AGR3: variants seen among roughly 807,000 people sequenced by gnomAD.
AGR3 encodes the protein anterior gradient protein 3.
In AGR3, 37 loss-of-function variants were observed where a neutral mutation model predicts 24.5. The ratio of observed to expected loss-of-function variants is 1.51; its 90% CI spans 1.16 to 1.99. AGR3 has a LOEUF of 1.99. Among genes scored for constraint, AGR3 ranks in the 30% most tolerant of loss-of-function variants. The probability of loss-of-function intolerance (pLI) is 0.00; values close to 1 mark genes in which losing one functional copy is unlikely to be tolerated. For synonymous variants in AGR3, 75 were observed against 61.6 expected (o/e 1.22, Z -1.02); for missense variants, 228 against 191.1 (o/e 1.19, Z -1.14).
At chr7:16,862,521 G>A (rs941966232) in intron 4 of AGR3, 89 bp downstream of exon 4, 29 of 737,612 alleles carry the variant, frequency 3.9e-5, no homozygotes, top group South Asian at 2.9e-4. Context: ...TTTGCTGAGC[G>A]CCTTCTTAGC....
intron 3 of AGR3, chr7:16,865,486 C>G (rs1486529579): frequency 1.4e-6 from 1 of 731,050 alleles, no homozygotes; most frequent in African/African-American, 1.8e-5. Context: ...TCCCGAATTT[C>G]TTTGGGGAAC....
chr7:16,877,647 A>G (rs1583847670), intron 2 of AGR3, among the ~76,000 whole-genome samples: 1 of 151,976 alleles, frequency 6.6e-6, no homozygotes, highest in East Asian at 1.9e-4. Flanking sequence ...GCGGATCACA[A>G]GGTCAGGAGA....
chr7:16,876,921 C>T (rs963018622), intron 2 of AGR3, among the ~76,000 whole-genome samples: 5 of 152,258 alleles, frequency 3.3e-5, no homozygotes, highest in African/African-American at 9.6e-5. Context: ...AGGGCAATAA[C>T]TAGTTTAGTC....
intron 1 of AGR3, among the ~76,000 whole-genome samples, chr7:16,880,088 C>CTTCCTTCCTTCCTTCCTTCT (rs1782077998): frequency 4.0e-5 from 4 of 99,402 alleles, no homozygotes; most frequent in Non-Finnish European, 7.6e-5. Flanking sequence ...CTTCTTTCCC[C>CTTCCTTCCTTCCTTCCTTCT]TTCCTTCCTT....
rs140054819 is a variant in AGR3 at position 16,879,526 on chromosome 7, A to G, written c.-27-881T>C. The stretch of plus-strand genomic sequence containing the variant: ...TATAAAACTGATTTGAAAATGGTTG[A>G]CTCATGCAGTTTTGAAACTTTACCT... On this transcript the variant is annotated intron_variant, in intron 1 of 7. Coordinates refer to ENST00000310398, the MANE Select transcript of AGR3 (RefSeq NM_176813.5). Among the ~76,000 whole-genome samples the G allele has an allele frequency of 3.5e-3, 535 of 152,312 alleles. 3 individuals are homozygous for G. The highest frequency in any genetic ancestry group is 0.013 in the African/African-American group (522 of 41,580).
In AGR3 at chr7:16,864,461, C is replaced by T. The variant is rs990194771; in HGVS notation, c.174-1799G>A. On this transcript the variant is annotated intron_variant, in intron 3 of 7. Coordinates refer to ENST00000310398, the MANE Select transcript of AGR3 (RefSeq NM_176813.5). The stretch of plus-strand genomic sequence containing the variant: ...GCAGAATGTCCTCCGTTAAGCTGGG[C>T]TTCATCTCCACTGTCAGGGTCGATC... The T allele has an allele frequency of 6.8e-5, 87 of 1,283,192 alleles. 1 individual carries two copies. The highest frequency in any genetic ancestry group is 8.1e-5 in the Non-Finnish European group (71 of 879,452). 79.5% of individuals were successfully genotyped at this position (1,283,192 alleles called of 1,614,324 possible). A position where few individuals can be genotyped will look rare whatever the true frequency, so the allele number is the denominator to read the frequency against.
intron 3 of AGR3, chr7:16,865,800 G>A: frequency 1.3e-6 from 1 of 746,458 alleles, no homozygotes; most frequent in Non-Finnish European, 2.5e-6. Flanking sequence ...TCATCTTTTT[G>A]GAAATCTGGT....
chr7:16,857,357 G>T (rs1204362751), downstream of AGR3, among the ~76,000 whole-genome samples: 1 of 151,784 alleles, frequency 6.6e-6, no homozygotes, highest in Non-Finnish European at 1.5e-5. Flanking sequence ...TCATTACAAA[G>T]AACAATTTAT....
chr7:16,878,563 T>G lies in AGR3; in HGVS notation c.56A>C (p.Asn19Thr), dbSNP rs1186545893. 10 of 1,614,060 alleles carry G rather than the reference T, an allele frequency of 6.2e-6. No individual in the cohort carries two copies. The highest frequency in any genetic ancestry group is 8.5e-6 in the Non-Finnish European group (10 of 1,179,992). Residue 19 changes from asparagine (N) to threonine (T), a missense_variant, in exon 2 of 8, where the codon AAC (asparagine) becomes ACC (threonine). Asn to Thr is a moderately conservative substitution (Grantham distance 65, BLOSUM62 0). Coordinates refer to ENST00000310398, the MANE Select transcript of AGR3 (RefSeq NM_176813.5). Reference protein sequence around the residue: ...LCLLLVTVSSNLAIAIKKEKR... With the variant: ...LCLLLVTVSSTLAIAIKKEKR... ...TTCCTTTTTTATTGCAATGGCAAGG[T>G]TGGAAGAAACTGTGACGAGTAAGAG...
At chr7:16,856,705 A>T (rs1457406714), downstream of AGR3, among the ~76,000 whole-genome samples, 2 of 152,132 alleles carry the variant, frequency 1.3e-5, no homozygotes. Flanking sequence ...CAGGTAGTTG[A>T]TGTTGGTAAC....
chr7:16,874,388 G>A (rs1781946106), intron 2 of AGR3, among the ~76,000 whole-genome samples: 1 of 152,086 alleles, frequency 6.6e-6, no homozygotes, highest in Non-Finnish European at 1.5e-5. Context: ...TAAAACGCAT[G>A]TGTTTTGGAA....
intron 3 of AGR3, 40 bp downstream of exon 3, chr7:16,873,740 T>C (rs1455133295): frequency 1.4e-6 from 2 of 1,465,528 alleles, no homozygotes; most frequent in South Asian, 1.1e-5. Flanking sequence ...ATGAGTCTAC[T>C]ACAAATAAAA....
chr7:16,875,829 C>T (rs1781976883), intron 2 of AGR3, among the ~76,000 whole-genome samples: 1 of 152,282 alleles, frequency 6.6e-6, no homozygotes, highest in African/African-American at 2.4e-5. Flanking sequence ...CTCTTGCTCT[C>T]TGTAATAATC....
intron 3 of AGR3, among the ~76,000 whole-genome samples, chr7:16,870,267 C>G (rs527430161): frequency 1.7e-4 from 26 of 152,050 alleles, no homozygotes; most frequent in African/African-American, 5.8e-4. Flanking sequence ...TTATTCTCAT[C>G]TAATTCAACA....
At chr7:16,860,427 G>A (rs893572615) in intron 7 of AGR3, 73 bp downstream of exon 7, 3 of 1,107,416 alleles carry the variant, frequency 2.7e-6, no homozygotes, top group Non-Finnish European at 4.2e-6. Flanking sequence ...ACTGATGTAG[G>A]GCTTCACTAG....
At chr7:16,869,673 GTTT>G (rs71007797) in intron 3 of AGR3, among the ~76,000 whole-genome samples, 4 of 125,896 alleles carry the variant, frequency 3.2e-5, no homozygotes, top group Non-Finnish European at 4.9e-5. Context: ...TTGTGAGTTT[GTTT>G]TTTTTTTTTT....
intron 3 of AGR3, chr7:16,865,885 A>G (rs1781749740): frequency 1.4e-6 from 1 of 725,140 alleles, no homozygotes; most frequent in Non-Finnish European, 2.6e-6. Context: ...TTGTCTTTCC[A>G]CATCCAGGAG....
chr7:16,873,883 T>A (rs181167282), intron 2 of AGR3, 40 bp from the exon 3 acceptor site: 3 of 1,489,348 alleles, frequency 2.0e-6, no homozygotes, highest in South Asian at 2.3e-5. Context: ...AACCCAGAAC[T>A]AGAGAAGAGC....
intron 1 of AGR3, among the ~76,000 whole-genome samples, chr7:16,879,413 G>A (rs1242138874): frequency 1.3e-5 from 2 of 152,200 alleles, no homozygotes; most frequent in Non-Finnish European, 2.9e-5. Context: ...GAAGTCCAAA[G>A]TTGGGCCTGA....
Sources: gnomAD v4.1 joint callset for allele counts (sites outside exome capture counted in the v4.1 genomes callset) on GRCh38, gnomAD v4.1.1 for gene constraint, MANE v1.5 for transcripts, NCBI Gene and HGNC (gene_info 2026-07-23, HGNC 2026-07-21) for gene names.